The following LRP1B variants were observed in gnomAD, a reference collection of about 807,000 sequenced individuals.
The protein encoded by LRP1B is LDL receptor related protein 1B.
Under a neutral mutation model 556.6 loss-of-function variants are expected in LRP1B, and 217 were observed. The observed-to-expected ratio is 0.39, with a 90% CI of 0.35 to 0.44. The LOEUF (loss-of-function observed/expected upper bound fraction) is 0.44. LRP1B is among the 20% of genes least tolerant of loss of function. The pLI, the probability that LRP1B is intolerant of heterozygous loss-of-function variation, is 1.00. For synonymous variants in LRP1B, 2,047 were observed against 1,865.8 expected (o/e 1.10, Z -2.50); for missense variants, 5,053 against 5,620.8 (o/e 0.90, Z 3.23).
chr2:141,052,544 T>G (rs1428613372), intron 10 of LRP1B, among the ~76,000 whole-genome samples: 1 of 152,082 alleles, frequency 6.6e-6, no homozygotes, highest in Non-Finnish European at 1.5e-5. Context: ...ACATTTAATT[T>G]CCTTAATCAA....
chr2:140,562,634 A>C (rs1456359516), intron 43 of LRP1B, among the ~76,000 whole-genome samples: 1 of 151,380 alleles, frequency 6.6e-6, no homozygotes, highest in African/African-American at 2.4e-5. Context: ...TTATTTATTT[A>C]TTTTGAGACA....
At chr2:140,815,522 G>A (rs1413564040) in intron 31 of LRP1B, among the ~76,000 whole-genome samples, 4 of 151,870 alleles carry the variant, frequency 2.6e-5, no homozygotes, top group Non-Finnish European at 1.5e-5. Context: ...TAGGAACAAG[G>A]TAAAGCTAGC....
intron 83 of LRP1B, among the ~76,000 whole-genome samples, chr2:140,304,861 A>C (rs1332541627): frequency 6.6e-6 from 1 of 152,104 alleles, no homozygotes; most frequent in African/African-American, 2.4e-5. Flanking sequence ...TCCAGTTTCC[A>C]CTTTCAACAT....
rs151313088 is a variant in LRP1B at position 141,923,223 on chromosome 2, T to C, written c.83-112822A>G. Among the ~76,000 whole-genome samples the C allele has an allele frequency of 1.1e-3, 169 of 151,926 alleles. 2 individuals carry two copies. In the East Asian group the frequency reaches 0.027, roughly 25 times the overall value. On this transcript the variant is annotated intron_variant, in intron 1 of 90. Transcript: ENST00000389484. ...CAATGAAAATAGCAGGTGAATATTA[T>C]AACAGTTACGGAAAAATTTATCCAC... is the stretch of plus-strand genomic sequence containing the variant.
chr2:142,128,717 TG>T (rs1707743972), intron 1 of LRP1B, among the ~76,000 whole-genome samples: 1 of 152,318 alleles, frequency 6.6e-6, no homozygotes, highest in Admixed American at 6.5e-5. Context: ...CATGTGGACG[TG>T]GTGATACAAC....
intron 2 of LRP1B, among the ~76,000 whole-genome samples, chr2:141,745,892 G>A (rs915706389): frequency 2.0e-5 from 3 of 151,886 alleles, no homozygotes; most frequent in African/African-American, 7.3e-5. Context: ...TCTTTAGTCA[G>A]CAGGTGACGT....
At chr2:140,264,797 C>T (rs1199563029) in intron 86 of LRP1B, among the ~76,000 whole-genome samples, 1 of 151,052 alleles carries the variant, frequency 6.6e-6, no homozygotes, top group Non-Finnish European at 1.5e-5. Flanking sequence ...AAGTCCAATT[C>T]AATCAATATT....
chr2:141,747,018 T>C (rs1693941472), intron 2 of LRP1B, among the ~76,000 whole-genome samples: 1 of 152,146 alleles, frequency 6.6e-6, no homozygotes, highest in Non-Finnish European at 1.5e-5. Context: ...CAAAGATTTG[T>C]AAAAGTCTAT....
At chr2:141,236,165 T>A (rs1245185664) in intron 5 of LRP1B, among the ~76,000 whole-genome samples, 1 of 152,150 alleles carries the variant, frequency 6.6e-6, no homozygotes, top group Non-Finnish European at 1.5e-5. Flanking sequence ...TTGGGGGGAT[T>A]ATTTATTTAA....
intron 66 of LRP1B, among the ~76,000 whole-genome samples, chr2:140,437,041 G>T (rs925014612): frequency 1.3e-5 from 2 of 152,116 alleles, no homozygotes; most frequent in Admixed American, 6.5e-5. Context: ...CTTCTGTAAG[G>T]ATCTTGGCTC....
At chr2:141,082,048 G>A (rs947235754) in intron 7 of LRP1B, among the ~76,000 whole-genome samples, 1 of 151,962 alleles carries the variant, frequency 6.6e-6, no homozygotes, top group Non-Finnish European at 1.5e-5. Context: ...ATCTAGTCAT[G>A]ACAAAGGAAA....
intron 35 of LRP1B, among the ~76,000 whole-genome samples, chr2:140,729,098 A>C (rs288098): frequency 0.18 from 28,037 of 151,928 alleles, 2,738 homozygotes; most frequent in East Asian, 0.29. Flanking sequence ...GAGAAAATAC[A>C]TTGGTATTTT....
chr2:141,086,733 C>T (rs190723200), intron 7 of LRP1B, among the ~76,000 whole-genome samples: 1 of 151,990 alleles, frequency 6.6e-6, no homozygotes, highest in Non-Finnish European at 1.5e-5. Context: ...CACCACATTG[C>T]TCAGTGGTCC....
At chr2:140,575,861 G>T (rs1681501840) in intron 43 of LRP1B, among the ~76,000 whole-genome samples, 2 of 151,906 alleles carry the variant, frequency 1.3e-5, no homozygotes, top group African/African-American at 4.8e-5. Flanking sequence ...GGTGGAGGTT[G>T]CAATGAGCCG....
intron 31 of LRP1B, among the ~76,000 whole-genome samples, chr2:140,817,299 A>C (rs1691156451): frequency 6.6e-6 from 1 of 152,038 alleles, no homozygotes; most frequent in African/African-American, 2.4e-5. Context: ...GGAAATCTAG[A>C]TCCAATAACA....
At chr2:141,562,646 A>AC (rs1686201921) in intron 2 of LRP1B, among the ~76,000 whole-genome samples, 1 of 151,980 alleles carries the variant, frequency 6.6e-6, no homozygotes, top group African/African-American at 2.4e-5. Context: ...AAGTTGCACA[A>AC]CCGCTGGCTT....
chr2:141,520,460 T>A (rs1368502245), intron 2 of LRP1B, among the ~76,000 whole-genome samples: 3 of 152,000 alleles, frequency 2.0e-5, no homozygotes, highest in African/African-American at 7.3e-5. Context: ...TAATATTTTT[T>A]AAAATCATCC....
intron 83 of LRP1B, among the ~76,000 whole-genome samples, chr2:140,301,741 TTATA>T (rs952175410): frequency 2.0e-5 from 3 of 151,506 alleles, no homozygotes; most frequent in African/African-American, 4.8e-5. Context: ...GTAGTGTTGC[TTATA>T]TATATATACA....
intron 2 of LRP1B, among the ~76,000 whole-genome samples, chr2:141,491,822 AG>A (rs2105113751): frequency 6.6e-6 from 1 of 152,196 alleles, no homozygotes; most frequent in African/African-American, 2.4e-5. Context: ...CACTCTTAAG[AG>A]GCATTTGTTT....
Sources: allele counts gnomAD v4.1 joint callset (sites outside exome capture counted in the v4.1 genomes callset), GRCh38; gene constraint gnomAD v4.1.1; transcripts MANE v1.5; gene names NCBI Gene and HGNC (gene_info 2026-07-23, HGNC 2026-07-21).